Variants in SFXN5 observed in about 807,000 individuals in gnomAD.
The protein encoded by SFXN5 is sideroflexin 5.
In SFXN5, 43 loss-of-function variants were observed where a neutral mutation model predicts 50.2. The ratio of observed to expected loss-of-function variants is 0.86; its 90% CI spans 0.67 to 1.11. The LOEUF (loss-of-function observed/expected upper bound fraction) is 1.11, where lower values mean the gene tolerates loss of function less well. Ranked by LOEUF, SFXN5 falls within the 50% of genes least tolerant of loss-of-function variation. The probability of loss-of-function intolerance (pLI) is 0.00; values close to 1 mark genes in which losing one functional copy is unlikely to be tolerated. For missense variants in SFXN5, 463 were observed against 454.1 expected (o/e 1.02, Z -0.18); for synonymous variants, 203 against 185.8 (o/e 1.09, Z -0.75).
At chr2:73,059,732 T>G in intron 1 of SFXN5, 1 of 971,002 alleles carries the variant, frequency 1.0e-6, no homozygotes, top group Non-Finnish European at 1.2e-6. Flanking sequence ...CAGCTGCCTC[T>G]CTAACCTCTT....
At chr2:73,014,748 T>TA (rs149825852) in intron 6 of SFXN5, among the ~76,000 whole-genome samples, 9,675 of 152,258 alleles carry the variant, frequency 0.064, 976 homozygotes, top group African/African-American at 0.21. Context: ...TTATATCCCT[T>TA]ATTGTCTAAA....
At chr2:73,064,552 T>C (rs1683042068) in intron 1 of SFXN5, among the ~76,000 whole-genome samples, 2 of 152,200 alleles carry the variant, frequency 1.3e-5, no homozygotes, top group Admixed American at 6.5e-5. Flanking sequence ...TACTGTGATT[T>C]TAGAACTTTA....
chr2:73,000,410 G>A, intron 8 of SFXN5, 21 bp downstream of exon 8: 1 of 1,553,358 alleles, frequency 6.4e-7, no homozygotes, highest in South Asian at 1.2e-5. Context: ...CCACCACTGG[G>A]GAGAGGGCAG....
intron 6 of SFXN5, among the ~76,000 whole-genome samples, chr2:73,017,308 T>C (rs918991457): frequency 8.5e-5 from 13 of 152,180 alleles, no homozygotes; most frequent in Non-Finnish European, 2.9e-5. Context: ...TGTATCTTTT[T>C]AATAGCTTTG....
intron 6 of SFXN5, among the ~76,000 whole-genome samples, chr2:73,015,948 A>G (rs1015235664): frequency 2.5e-4 from 38 of 151,790 alleles, no homozygotes; most frequent in Non-Finnish European, 4.9e-4. Context: ...CAAAAAAGAA[A>G]AAAAAAAAAA....
At chr2:72,962,046 G>A (rs892805052) in intron 12 of SFXN5, among the ~76,000 whole-genome samples, 2 of 152,234 alleles carry the variant, frequency 1.3e-5, no homozygotes, top group Non-Finnish European at 2.9e-5. Flanking sequence ...CCCAGACAGC[G>A]TGGGGACATA....
chr2:73,048,938 T>C (rs1380625476), intron 2 of SFXN5: 2 of 152,336 alleles, frequency 1.3e-5, no homozygotes, highest in Middle Eastern at 6.8e-3. Flanking sequence ...GAGTATTCAG[T>C]TTCCCAAAAA....
At chr2:72,984,730 C>T (rs1559120331) in intron 10 of SFXN5, among the ~76,000 whole-genome samples, 1 of 152,150 alleles carries the variant, frequency 6.6e-6, no homozygotes, top group Non-Finnish European at 1.5e-5. Flanking sequence ...CCTGCAGTCA[C>T]AGAGGTCCTG....
intron 9 of SFXN5, chr2:72,998,094 T>G (rs1673460914): frequency 6.6e-6 from 1 of 152,228 alleles, no homozygotes; most frequent in Non-Finnish European, 1.5e-5. Context: ...TTTTCTAATT[T>G]TTTTTTTCTT....
At chr2:73,060,184 G>C (rs1211482652) in intron 1 of SFXN5, among the ~76,000 whole-genome samples, 1 of 152,106 alleles carries the variant, frequency 6.6e-6, no homozygotes, top group Non-Finnish European at 1.5e-5. Context: ...TCAAAGGCTG[G>C]GGTAGGGAGG....
In SFXN5 at chr2:73,061,529, GAAT is replaced by G. The variant is rs534561426; in HGVS notation, c.103-2936_103-2934del. Among the ~76,000 whole-genome samples, 1,099 of 152,214 alleles carry G rather than the reference GAAT, an allele frequency of 7.2e-3. 7 individuals carry two copies. The highest frequency in any genetic ancestry group is 0.025 in the African/African-American group (1,019 of 41,524). ...CTTTATGATTACCTGTAGACAAAGAGAATAATAAAGGAAATGTGATGTTAAAAA... is the reference window on the plus strand; with the variant it reads ...CTTTATGATTACCTGTAGACAAAGAGAATAAAGGAAATGTGATGTTAAAAA... On this transcript the variant is annotated intron_variant, in intron 1 of 13. Coordinates refer to ENST00000272433, the MANE Select transcript of SFXN5 (RefSeq NM_144579.3).
At chr2:72,984,556 T>G (rs1296214418) in intron 10 of SFXN5, among the ~76,000 whole-genome samples, 2 of 152,284 alleles carry the variant, frequency 1.3e-5, no homozygotes, top group African/African-American at 4.8e-5. Flanking sequence ...AGTATCACTT[T>G]TAGCAAGTCT....
chr2:73,024,620 C>T (rs907415444), intron 3 of SFXN5, among the ~76,000 whole-genome samples: 7 of 151,996 alleles, frequency 4.6e-5, no homozygotes, highest in African/African-American at 1.2e-4. Context: ...TGCCACAGCA[C>T]GCCAGCTTGG....
At chr2:72,988,659 G>A (rs1161889398) in intron 9 of SFXN5, among the ~76,000 whole-genome samples, 1 of 152,060 alleles carries the variant, frequency 6.6e-6, no homozygotes, top group Non-Finnish European at 1.5e-5. Flanking sequence ...ACACTGCAGA[G>A]GAGAAAAGGG....
At chr2:73,062,480 A>G (rs145042233) in intron 1 of SFXN5, among the ~76,000 whole-genome samples, 1 of 152,338 alleles carries the variant, frequency 6.6e-6, no homozygotes, top group East Asian at 1.9e-4. Context: ...ATGGTCCAGC[A>G]GAAACTTCAG....
At chr2:73,003,607 T>C (rs973523913) in intron 6 of SFXN5, among the ~76,000 whole-genome samples, 1 of 152,352 alleles carries the variant, frequency 6.6e-6, no homozygotes, top group South Asian at 2.1e-4. Flanking sequence ...CAGCCCCATC[T>C]GCCAAGTGTA....
intron 7 of SFXN5, among the ~76,000 whole-genome samples, chr2:73,000,700 G>T (rs1308593708): frequency 6.6e-6 from 1 of 152,204 alleles, no homozygotes; most frequent in African/African-American, 2.4e-5. Flanking sequence ...CTCTCGGGAA[G>T]TCTCTCGGTT....
chr2:72,995,748 A>G (rs1673146903), intron 9 of SFXN5, among the ~76,000 whole-genome samples: 2 of 152,162 alleles, frequency 1.3e-5, no homozygotes, highest in Non-Finnish European at 1.5e-5. Flanking sequence ...AGATCAGTTA[A>G]TGAGGCTGTA....
intron 13 of SFXN5, among the ~76,000 whole-genome samples, chr2:72,954,882 C>T (rs994786379): frequency 6.6e-6 from 1 of 152,220 alleles, no homozygotes; most frequent in South Asian, 2.1e-4. Flanking sequence ...GTTTTCACTT[C>T]CCTAATCCTA....
Sources: allele counts gnomAD v4.1 joint callset (sites outside exome capture counted in the v4.1 genomes callset), GRCh38; gene constraint gnomAD v4.1.1; transcripts MANE v1.5; gene names NCBI Gene and HGNC (gene_info 2026-07-23, HGNC 2026-07-21).